Variants in GRHL1 observed in about 807,000 individuals in gnomAD.
GRHL1 encodes grainyhead-like protein 1 homolog.
A neutral mutation model predicts 75.7 loss-of-function variants in GRHL1; 38 were observed. That is an observed-to-expected ratio of 0.50 (90% CI 0.39 to 0.66). GRHL1 has a LOEUF of 0.66. Ranked by LOEUF, GRHL1 falls within the 30% of genes least tolerant of loss-of-function variation. GRHL1 has a pLI of 0.00. For missense variants in GRHL1, 589 were observed against 767.5 expected, an observed-to-expected ratio of 0.77 and a Z score of 2.75; for synonymous variants, 266 against 279.4, an observed-to-expected ratio of 0.95 and a Z score of 0.48.
intron 8 of GRHL1, 31 bp downstream of exon 8, chr2:9,965,412 CA>C (rs1252472577): frequency 9.3e-6 from 11 of 1,182,852 alleles, no homozygotes; most frequent in Non-Finnish European, 1.3e-5. Context: ...GCCTTATGTC[CA>C]GCCATTTGAG....
chr2:9,988,451 C>T (rs1668514532), intron 9 of GRHL1, among the ~76,000 whole-genome samples: 1 of 152,290 alleles, frequency 6.6e-6, no homozygotes, highest in South Asian at 2.1e-4. Context: ...CTAATCTTTT[C>T]GGATGTCAGT....
chr2:9,982,342 C>T lies in GRHL1; in HGVS notation c.1111-3782C>T, dbSNP rs536148501. 3.1e-4 allele frequency among the ~76,000 whole-genome samples: 47 copies of T among 152,052 alleles called. 1 individual carries two copies. Among genetic ancestry groups the T allele is most frequent in the South Asian group, 2.5e-3 (12 of 4,812 alleles). ...GCAGCTAGAAGACTAATCACGTTAC[C>T]GCAGTGGTTTCTATCTTGGCCAATC... On this transcript the variant is annotated intron_variant, in intron 8 of 15. Transcript: ENST00000324907.
chr2:9,963,702 A>G (rs1411587893), intron 5 of GRHL1, among the ~76,000 whole-genome samples, 184 bp from the exon 6 acceptor site: 1 of 152,180 alleles, frequency 6.6e-6, no homozygotes, highest in Non-Finnish European at 1.5e-5. Context: ...CCATCACATC[A>G]TAGAATTTTT....
intron 14 of GRHL1, among the ~76,000 whole-genome samples, chr2:9,998,418 C>G (rs765754429): frequency 1.2e-4 from 9 of 72,354 alleles, no homozygotes; most frequent in Admixed American, 1.0e-3. Flanking sequence ...AGTCGAGTGA[C>G]TATGCATGTG....
rs1667400583 is a variant in GRHL1, at chr2:9,964,361, A to G, written c.1015+15A>G. The G allele has an allele frequency of 7.2e-7, 1 of 1,380,814 alleles. No individual in the cohort carries two copies. Among genetic ancestry groups the G allele is most frequent in the Admixed American group, 1.9e-5 (1 of 53,730 alleles). The allele number at this position is 1,380,814 out of a possible 1,614,324, so 85.5% of individuals were successfully genotyped here. Reference sequence around the variant, plus strand: ...CATTGACATAGGTAAGCAGCTCAAGAGCCCGCTTTTATTCCCAGAGGTGCA... The same window carrying G: ...CATTGACATAGGTAAGCAGCTCAAGGGCCCGCTTTTATTCCCAGAGGTGCA... On this transcript the variant is annotated intron_variant, in intron 7 of 15. Coordinates refer to ENST00000324907, the MANE Select transcript of GRHL1 (RefSeq NM_198182.3).
Position 10,000,812 on chromosome 2 carries a change from C to T in GRHL1, c.*105C>T, listed in dbSNP as rs984151227. 9.4e-6 allele frequency: 6 copies of T among 635,352 alleles called. No homozygotes were observed. The highest frequency in any genetic ancestry group is 1.7e-5 in the Non-Finnish European group (6 of 353,926). The allele number at this position is 635,352 out of a possible 1,614,324, so 39.4% of individuals were successfully genotyped here. A position where few individuals can be genotyped will look rare whatever the true frequency, so the allele number is the denominator to read the frequency against. On this transcript the variant is annotated 3_prime_UTR_variant, in exon 16 of 16. Transcript: ENST00000324907. ...AGTCAGCCATGTCGCCAGCACAGGT[C>T]TATGTCGAGGGAATGGGTTCCTTGC...
rs1432121821 is a variant in GRHL1 at position 9,992,166 on chromosome 2, G to C, written c.1461+20G>C. ...ACTCATGTAGGTAACCAGGATCCCA[G>C]GGGAGGTTACCAGGAAGGAAGGCAT... On this transcript the variant is annotated intron_variant, in intron 11 of 15. Coordinates refer to ENST00000324907, the MANE Select transcript of GRHL1 (RefSeq NM_198182.3). The surrounding 1 kb of genome is among the most constrained non-coding windows in gnomAD (Gnocchi z 4.6). 6.2e-7 allele frequency: 1 copy of C among 1,602,752 alleles called. No homozygotes were observed. The highest frequency in any genetic ancestry group is 8.5e-7 in the Non-Finnish European group (1 of 1,175,272).
intron 8 of GRHL1, among the ~76,000 whole-genome samples, chr2:9,979,776 A>C (rs1668116228): frequency 6.6e-6 from 1 of 152,216 alleles, no homozygotes; most frequent in Non-Finnish European, 1.5e-5. Context: ...TAGTTCATGA[A>C]AAATACCCTG....
Position 9,996,391 on chromosome 2 carries a change from T to G in GRHL1, c.1667T>G (p.Leu556Trp), listed in dbSNP as rs1390678560. 6.2e-7 allele frequency: 1 copy of G among 1,601,208 alleles called. No individual in the cohort carries two copies. Among genetic ancestry groups the G allele is most frequent in the Non-Finnish European group, 8.6e-7 (1 of 1,168,262 alleles). ...LMLKTPSLKG[L>W]MEAISDKYDV... ...CTCAAAACCCCATCTTTGAAGGGCT[T>G]GATGGAAGCTGTAAGTAGGATCAAC... The change falls in exon 14 of 16, where the codon TTG becomes TGG. Residue 556 changes from leucine to tryptophan, a missense_variant. By Grantham distance (61) the Leu-to-Trp change is moderately conservative. Around this residue, in one of 5 missense-constraint regions of GRHL1, gnomAD observed 192 missense variants for 226.6 expected, o/e 0.85. Coordinates refer to ENST00000324907, the MANE Select transcript of GRHL1 (RefSeq NM_198182.3).
chr2:9,972,685 T>C (rs1667778302), intron 8 of GRHL1, among the ~76,000 whole-genome samples: 1 of 152,148 alleles, frequency 6.6e-6, no homozygotes, highest in East Asian at 1.9e-4. Context: ...CTGGTGAGGA[T>C]GGAATGTGGC....
intron 10 of GRHL1, 96 bp from the exon 11 acceptor site, chr2:9,991,911 T>C (rs1668660174): frequency 5.7e-6 from 5 of 879,708 alleles, no homozygotes. Context: ...ACACTTGGAG[T>C]ATCTTACTCA....
At chr2:9,952,976 G>T (rs771094117) in intron 1 of GRHL1, 3 of 455,852 alleles carry the variant, frequency 6.6e-6, no homozygotes, top group Admixed American at 2.4e-5. Context: ...GGAGTTTAAG[G>T]CTCACCTGAA....
intron 8 of GRHL1, among the ~76,000 whole-genome samples, chr2:9,969,876 T>A (rs1667649533): frequency 7.3e-6 from 1 of 137,540 alleles, no homozygotes; most frequent in African/African-American, 2.8e-5. Flanking sequence ...GGAGTCTCAC[T>A]CTTTCGCCCA....
At position 9,987,010 on chromosome 2, in the gene GRHL1, G is replaced by A. The variant is rs1042384893; in HGVS notation, c.1269+728G>A. 1.3e-5 allele frequency among the ~76,000 whole-genome samples: 2 copies of A among 151,044 alleles called. No homozygotes were observed. The highest frequency in any genetic ancestry group is 6.6e-5 in the Admixed American group (1 of 15,182). On this transcript the variant is annotated intron_variant, in intron 9 of 15. Transcript: ENST00000324907. This position sits in a 1 kb window ranked among gnomAD's most constrained non-coding sequence, Gnocchi z 4.2. ...TTTTTTTTTTTTGAGACAGAGTCTG[G>A]TGCTGTCGCCCATGCTGGAGTGCAG...
In GRHL1 at chr2:10,002,244, C is replaced by G. The variant is rs758028761; in HGVS notation, c.*1537C>G. ...GTATCATTGAAGATGTATTTTAAAC[C>G]AAAGGAATTAAATTTTATATGTCTA... On this transcript the variant is annotated 3_prime_UTR_variant, in exon 16 of 16. Coordinates refer to ENST00000324907, the MANE Select transcript of GRHL1 (RefSeq NM_198182.3). 2.6e-5 allele frequency: 4 copies of G among 152,514 alleles called. No homozygotes were observed. The highest frequency in any genetic ancestry group is 4.4e-5 in the Non-Finnish European group (3 of 68,024). The allele number at this position is 152,514 out of a possible 1,614,324, so 9.4% of individuals were successfully genotyped here.
intron 8 of GRHL1, among the ~76,000 whole-genome samples, chr2:9,970,485 G>A (rs1226308441): frequency 6.6e-6 from 1 of 152,238 alleles, no homozygotes; most frequent in African/African-American, 2.4e-5. Context: ...ACCTTCGGAA[G>A]GAAGCTCTTT....
At chr2:9,995,590 A>C (rs77155775) in intron 12 of GRHL1, among the ~76,000 whole-genome samples, 4,257 of 144,346 alleles carry the variant, frequency 0.029, 186 homozygotes, top group African/African-American at 0.1. Flanking sequence ...GTCTCACAAA[A>C]AAAAAAAAAA....
chr2:9,985,152 G>A (rs533631940), intron 8 of GRHL1, among the ~76,000 whole-genome samples: 83 of 152,218 alleles, frequency 5.5e-4, no homozygotes, highest in Non-Finnish European at 8.5e-4. Context: ...GGGTTGAGAA[G>A]CTCAAAGTCT....
intron 8 of GRHL1, among the ~76,000 whole-genome samples, chr2:9,976,655 G>T (rs188060019): frequency 2.0e-5 from 3 of 152,258 alleles, no homozygotes; most frequent in African/African-American, 4.8e-5. Flanking sequence ...TCAGTGCCAG[G>T]GTGTGCGCTT....
Sources: gnomAD v4.1 joint callset for allele counts (sites outside exome capture counted in the v4.1 genomes callset) on GRCh38, gnomAD v4.1.1 for gene constraint, gnomAD v4.1.1 regional missense constraint, Gnocchi (gnomAD v3.1) non-coding constraint, MANE v1.5 for transcripts, NCBI Gene and HGNC (gene_info 2026-07-23, HGNC 2026-07-21) for gene names.